The following STX8 variants were observed in gnomAD, a reference collection of about 807,000 sequenced individuals.
STX8 encodes syntaxin 8.
STX8 carries 23 observed loss-of-function variants against 37.5 expected under a neutral mutation model. The ratio of observed to expected loss-of-function variants is 0.61; its 90% confidence interval spans 0.44 to 0.87. STX8 has a LOEUF of 0.87. STX8 is among the 40% of genes least tolerant of loss of function. The pLI is 0.00. For synonymous variants in STX8, 115 were observed against 99.1 expected, an observed-to-expected ratio of 1.16 and a Z score of -0.95; for missense variants, 313 against 284.7, an observed-to-expected ratio of 1.10 and a Z score of -0.71.
intron 6 of STX8, among the ~76,000 whole-genome samples, chr17:9,438,494 G>C (rs1904524306): frequency 6.6e-6 from 1 of 151,954 alleles, no homozygotes; most frequent in South Asian, 2.1e-4. Flanking sequence ...CTAAGGTTTG[G>C]GAAACACGGC....
At chr17:9,413,083 A>G (rs1274172457) in intron 6 of STX8, among the ~76,000 whole-genome samples, 1 of 152,192 alleles carries the variant, frequency 6.6e-6, no homozygotes, top group Admixed American at 6.5e-5. Flanking sequence ...CCTGACCCTC[A>G]AGAAGCTTAC....
intron 6 of STX8, among the ~76,000 whole-genome samples, chr17:9,422,617 G>A (rs1185306576): frequency 6.6e-6 from 1 of 152,250 alleles, no homozygotes; most frequent in Non-Finnish European, 1.5e-5. Flanking sequence ...GTTGTTCCAT[G>A]TGTCAGTATT....
chr17:9,435,999 C>T (rs1270533834), intron 6 of STX8, among the ~76,000 whole-genome samples: 1 of 152,094 alleles, frequency 6.6e-6, no homozygotes, highest in Non-Finnish European at 1.5e-5. Context: ...GCCACTGGTT[C>T]TCAGGCAAGC....
chr17:9,354,204 A>G (rs1298515419), intron 7 of STX8, among the ~76,000 whole-genome samples: 1 of 152,098 alleles, frequency 6.6e-6, no homozygotes, highest in African/African-American at 2.4e-5. Flanking sequence ...TGATTAAATC[A>G]AACATCTAAC....
chr17:9,573,421 T>A (rs1907763999), intron 1 of STX8, among the ~76,000 whole-genome samples: 1 of 152,052 alleles, frequency 6.6e-6, no homozygotes, highest in African/African-American at 2.4e-5. Flanking sequence ...AATCAGAAAA[T>A]TTTTCAATCT....
chr17:9,572,834 A>G (rs1907735425), intron 1 of STX8, among the ~76,000 whole-genome samples: 1 of 152,182 alleles, frequency 6.6e-6, no homozygotes, highest in African/African-American at 2.4e-5. Context: ...TGAGAAAGCC[A>G]CTTCATCAAA....
At chr17:9,282,206 T>A (rs535594640) in intron 7 of STX8, among the ~76,000 whole-genome samples, 1 of 152,144 alleles carries the variant, frequency 6.6e-6, no homozygotes, top group African/African-American at 2.4e-5. Context: ...GATCTTGGCT[T>A]ACTGCAATTT....
chr17:9,374,664 CAG>C (rs1374653558), intron 7 of STX8, among the ~76,000 whole-genome samples: 1 of 152,042 alleles, frequency 6.6e-6, no homozygotes, highest in Non-Finnish European at 1.5e-5. Context: ...GAAATAAGTA[CAG>C]TTACTTGGTT....
Position 9,332,077 on chromosome 17 carries a change from A to G in STX8, c.643+46475T>C, listed in dbSNP as rs370859790. Among the ~76,000 whole-genome samples the G allele has an allele frequency of 3.7e-4, 57 of 152,300 alleles. 1 individual carries two copies. In the South Asian group the frequency reaches 0.01, roughly 27 times the overall value. ...GCCACCAGGAAGGAGAATAATGGCGATATTAGCTGACCTTCATTTTGTTGT... is the reference window on the plus strand; with the variant it reads ...GCCACCAGGAAGGAGAATAATGGCGGTATTAGCTGACCTTCATTTTGTTGT... On this transcript the variant is annotated intron_variant, in intron 7 of 7. Coordinates refer to ENST00000306357, the MANE Select transcript of STX8 (RefSeq NM_004853.3).
intron 6 of STX8, among the ~76,000 whole-genome samples, chr17:9,441,866 G>A (rs796618976): frequency 2.0e-5 from 3 of 151,742 alleles, no homozygotes; most frequent in African/African-American, 7.2e-5. Context: ...TAGTAGAGAC[G>A]GGGTTTCACC....
In STX8 at chr17:9,312,452, C is replaced by T. The variant is rs903527898; in HGVS notation, c.644-61807G>A. Among the ~76,000 whole-genome samples, 6 of 152,182 alleles carry T rather than the reference C, an allele frequency of 3.9e-5. No individual in the cohort carries two copies. The South Asian group carries it at 6.2e-4, about 16-fold the overall frequency. ...CCGACCTCAGGTGATCCACCTGCCT[C>T]GGCCTCCCAAAGTGCTGGGATTACA... On this transcript the variant is annotated intron_variant, in intron 7 of 7. Coordinates refer to ENST00000306357, the MANE Select transcript of STX8 (RefSeq NM_004853.3).
chr17:9,505,444 C>T (rs773899331), intron 4 of STX8, among the ~76,000 whole-genome samples: 2 of 152,068 alleles, frequency 1.3e-5, no homozygotes, highest in Non-Finnish European at 2.9e-5. Flanking sequence ...AGTTAATAAT[C>T]CTAAAAGAAG....
At chr17:9,525,536 C>T (rs1290496352) in intron 4 of STX8, among the ~76,000 whole-genome samples, 3 of 151,840 alleles carry the variant, frequency 2.0e-5, no homozygotes, top group Non-Finnish European at 2.9e-5. Context: ...TTAGTAGAGA[C>T]GGGGTTTCAC....
chr17:9,502,475 A>C (rs898850042), intron 5 of STX8, among the ~76,000 whole-genome samples: 1 of 152,250 alleles, frequency 6.6e-6, no homozygotes, highest in African/African-American at 2.4e-5. Flanking sequence ...GAGCTTATAC[A>C]TAAGTTAATT....
chr17:9,506,036 A>G (rs1320638687), intron 4 of STX8, among the ~76,000 whole-genome samples: 2 of 151,906 alleles, frequency 1.3e-5, no homozygotes, highest in Non-Finnish European at 2.9e-5. Flanking sequence ...TGTAGCATTC[A>G]TAACAGAATA....
chr17:9,488,800 AAGAGAG>A (rs201248571), intron 6 of STX8, among the ~76,000 whole-genome samples: 86 of 140,906 alleles, frequency 6.1e-4, no homozygotes, highest in African/African-American at 2.2e-3. Flanking sequence ...TTAAGAGAGA[AAGAGAG>A]AGAGAGAGAG....
chr17:9,284,212 A>G (rs993041111), intron 7 of STX8, among the ~76,000 whole-genome samples: 3 of 152,330 alleles, frequency 2.0e-5, no homozygotes, highest in East Asian at 3.9e-4. Context: ...TCAGCAGGAT[A>G]CAGGGGATCT....
At chr17:9,453,161 A>G (rs564976568) in intron 6 of STX8, among the ~76,000 whole-genome samples, 1 of 152,172 alleles carries the variant, frequency 6.6e-6, no homozygotes, top group East Asian at 1.9e-4. Context: ...TGGCTAGAAA[A>G]TGGTGTGGGG....
intron 5 of STX8, among the ~76,000 whole-genome samples, chr17:9,500,103 T>C (rs1356516932): frequency 6.6e-6 from 1 of 152,096 alleles, no homozygotes; most frequent in African/African-American, 2.4e-5. Flanking sequence ...CCTCCAAATA[T>C]GGTAATGGGT....
Sources: allele counts gnomAD v4.1 joint callset (sites outside exome capture counted in the v4.1 genomes callset), GRCh38; gene constraint gnomAD v4.1.1; transcripts MANE v1.5; gene names NCBI Gene and HGNC (gene_info 2026-07-23, HGNC 2026-07-21).